Variants in ASPHD1 observed in about 807,000 individuals in gnomAD.
ASPHD1 encodes the protein aspartate beta-hydroxylase domain-containing protein 1.
Under a neutral mutation model 28.3 loss-of-function variants are expected in ASPHD1, and 20 were observed. The observed-to-expected ratio is 0.71, with a 90% CI of 0.50 to 1.03. ASPHD1 has a LOEUF of 1.03. Ranked by LOEUF, ASPHD1 falls within the 50% of genes least tolerant of loss-of-function variation. The pLI, the probability that ASPHD1 is intolerant of heterozygous loss-of-function variation, is 0.00. For missense variants in ASPHD1, 479 were observed against 524.1 expected (o/e 0.91, Z 0.84); for synonymous variants, 240 against 221.2 (o/e 1.08, Z -0.75).
At chr16:29,911,083 G>A (rs1567440796) in intron 3 of ASPHD1, 3 of 1,614,204 alleles carry the variant, frequency 1.9e-6, no homozygotes, top group East Asian at 2.2e-5. Flanking sequence ...CGTCCCCCAG[G>A]ACATCCTTGA....
At chr16:29,909,291 G>C (rs1439046449), downstream of ASPHD1, among the ~76,000 whole-genome samples, 1 of 152,188 alleles carries the variant, frequency 6.6e-6, no homozygotes, top group Non-Finnish European at 1.5e-5. Flanking sequence ...GTGACCCAAA[G>C]AAAGTGATGC....
chr16:29,901,853 T>A lies in ASPHD1; in HGVS notation c.882T>A (p.Val294=). The A allele has an allele frequency of 6.5e-7, 1 of 1,540,266 alleles. No homozygotes were observed. Residue 294 remains valine (V), a synonymous_variant, in exon 1 of 3, where the codon GTT becomes GTA. Coordinates refer to ENST00000308748, the MANE Select transcript of ASPHD1 (RefSeq NM_181718.4). This position sits in a 1 kb window ranked among gnomAD's most constrained non-coding sequence, Gnocchi z 5.1. Reference sequence around the variant, plus strand: ...CCTTCGGCAATGCCGGCTTTTCCGTTCTCCTGCCTGGGGCCCGGCTCGAGG... The same window carrying A: ...CCTTCGGCAATGCCGGCTTTTCCGTACTCCTGCCTGGGGCCCGGCTCGAGG... The part of the protein sequence containing the change: ...ANTFGNAGFS[V]LLPGARLEGR...
At chr16:29,902,674 AT>A (rs138104558) in intron 1 of ASPHD1, among the ~76,000 whole-genome samples, 1 of 150,540 alleles carries the variant, frequency 6.6e-6, no homozygotes, top group Non-Finnish European at 1.5e-5. Flanking sequence ...CACCTGGCTA[AT>A]TTTTTTTTAT....
chr16:29,905,595 T>A (rs1597006682), intron 2 of ASPHD1, among the ~76,000 whole-genome samples, 193 bp from the exon 3 acceptor site: 2 of 123,184 alleles, frequency 1.6e-5, no homozygotes, highest in African/African-American at 6.5e-5. Context: ...GCCACTGCAC[T>A]CCAGCCTGGT....
chr16:29,901,617 A>G lies in ASPHD1; in HGVS notation c.646A>G (p.Ser216Gly). 1.3e-6 allele frequency: 2 copies of G among 1,560,972 alleles called. No homozygotes were observed. The highest frequency in any genetic ancestry group is 1.7e-6 in the Non-Finnish European group (2 of 1,162,246). Residue 216 changes from serine (S) to glycine (G), a missense_variant, in exon 1 of 3, where the codon AGC becomes GGC. Transcript: ENST00000308748. The surrounding 1 kb of genome is among the most constrained non-coding windows in gnomAD (Gnocchi z 5.1). ...QRHDVELLES[S>G]FPAILRDFGA... is the part of the protein sequence containing the mutation. ...GCACGACGTGGAGCTCCTGGAGAGC[A>G]GCTTCCCTGCCATTTTGCGGGACTT...
intron 2 of ASPHD1, among the ~76,000 whole-genome samples, chr16:29,905,365 C>T (rs2150830074): frequency 6.6e-6 from 1 of 152,170 alleles, no homozygotes; most frequent in African/African-American, 2.4e-5. Flanking sequence ...GTGGCTCACG[C>T]CTGTAATCCC....
Position 29,905,770 on chromosome 16 carries a change from C to T in ASPHD1, c.1064-18C>T, listed in dbSNP as rs201085689. The T allele has an allele frequency of 8.1e-6, 13 of 1,599,634 alleles. No individual in the cohort carries two copies. Among genetic ancestry groups the T allele is most frequent in the Non-Finnish European group, 1.1e-5 (13 of 1,167,620 alleles). ...CCTAATGTCAGTGGCTCTGCTGTTC[C>T]TGTCCCATGTGCCCTAGGCTCCCCC... On this transcript the variant is annotated intron_variant, in intron 2 of 2. Transcript: ENST00000308748.
intron 3 of ASPHD1, chr16:29,911,814 C>T (rs1486403395): frequency 9.3e-6 from 15 of 1,612,684 alleles, no homozygotes; most frequent in Non-Finnish European, 1.3e-5. Context: ...CCGGCGGTCA[C>T]CTGGTGTAGG....
downstream of ASPHD1, among the ~76,000 whole-genome samples, chr16:29,907,589 C>T (rs1285348363): frequency 1.3e-5 from 2 of 151,630 alleles, no homozygotes; most frequent in African/African-American, 4.8e-5. Context: ...GAGTTTGAGT[C>T]TAGTCTGGGC....
In ASPHD1 at chr16:29,912,367, C is replaced by T. The variant is rs964198934; in HGVS notation, c.*62+6408C>T. On this transcript the variant is annotated intron_variant and NMD_transcript_variant, in intron 3 of 3. Coordinates refer to the ASPHD1 transcript ENST00000414952. ...CATTCAGATCGCAGGTCACACAGTG[C>T]CTCCTCAGGGCCAGCCCTCCCCAGC... The T allele has an allele frequency of 8.8e-6, 4 of 453,208 alleles. No homozygotes were observed. The South Asian group carries it at 1.1e-4, about 12-fold the overall frequency. 28.1% of individuals were successfully genotyped at this position (453,208 alleles called of 1,614,324 possible).
At chr16:29,916,687 G>T (rs1229729036) in intron 3 of ASPHD1, among the ~76,000 whole-genome samples, 2 of 152,138 alleles carry the variant, frequency 1.3e-5, no homozygotes, top group African/African-American at 4.8e-5. Flanking sequence ...GACAGAGCAA[G>T]ACTCTGTCTC....
chr16:29,901,322 TG>T lies in ASPHD1; in HGVS notation c.354del (p.Pro119LeufsTer27). On this transcript the variant is annotated frameshift_variant, in exon 1 of 3. Transcript: ENST00000308748. LOFTEE classifies it high-confidence loss of function. This position sits in a 1 kb window ranked among gnomAD's most constrained non-coding sequence, Gnocchi z 5.1. ...GGAGCCGAGCTGGGGGTGTTCGTGG[TG>T]GGCCTGTGGGATGCTCGGAGGCCGG... Reference protein sequence around the residue: ...AGSRAGGVRGGPVGCSEAGGP... With the variant: ...AGSRAGGVRGXPVGCSEAGGP... The T allele has an allele frequency of 1.9e-6, 3 of 1,609,440 alleles. No homozygotes were observed. Among genetic ancestry groups the T allele is most frequent in the Non-Finnish European group, 2.5e-6 (3 of 1,178,546 alleles).
downstream of ASPHD1, chr16:29,906,058 T>G (rs2068607503): frequency 1.9e-6 from 1 of 518,884 alleles, no homozygotes; most frequent in Non-Finnish European, 3.4e-6. Context: ...CTCTCCTAAC[T>G]CCCGACTACT....
chr16:29,909,545 A>G (rs1257851632), downstream of ASPHD1, among the ~76,000 whole-genome samples: 2 of 152,156 alleles, frequency 1.3e-5, no homozygotes, highest in Non-Finnish European at 2.9e-5. Context: ...TACAGTACTT[A>G]GCACAGAGCA....
intron 1 of ASPHD1, among the ~76,000 whole-genome samples, chr16:29,902,571 G>C (rs1293566062): frequency 1.3e-5 from 2 of 151,478 alleles, no homozygotes; most frequent in Non-Finnish European, 2.9e-5. Flanking sequence ...GCAGTGGCAC[G>C]ATCTTGGCTC....
In ASPHD1 at chr16:29,901,307, TGGG is replaced by T; in HGVS notation, c.339_341del (p.Gly114del). The T allele has an allele frequency of 6.2e-7, 1 of 1,611,166 alleles. No homozygotes were observed. The highest frequency in any genetic ancestry group is 1.1e-5 in the South Asian group (1 of 90,912). On this transcript the variant is annotated inframe_deletion, in exon 1 of 3. Coordinates refer to ENST00000308748, the MANE Select transcript of ASPHD1 (RefSeq NM_181718.4). The surrounding 1 kb of genome is among the most constrained non-coding windows in gnomAD (Gnocchi z 5.1). ...AGGCCCTAGGGGCTGGGAGCCGAGC[TGGG>T]GGTGTTCGTGGTGGGCCTGTGGGAT... is the stretch of plus-strand genomic sequence containing the variant.
intron 3 of ASPHD1, chr16:29,911,722 G>A (rs1221522147): frequency 9.6e-6 from 13 of 1,352,464 alleles, no homozygotes; most frequent in Admixed American, 9.4e-5. Flanking sequence ...GTTCTTGTAG[G>A]CCCCCCGTGT....
rs2068546785 is a variant in ASPHD1, at chr16:29,901,481, G to GGAT, written c.511_512insATG (p.Gln170_Gly171insAsp). ...TGGGTAGAGTGAGGCGGGCAGCTCA[G>GGAT]GGTGGCCCAGGCCCTGGGAGAGGGC... On this transcript the variant is annotated inframe_insertion, in exon 1 of 3. Coordinates refer to ENST00000308748, the MANE Select transcript of ASPHD1 (RefSeq NM_181718.4). This position sits in a 1 kb window ranked among gnomAD's most constrained non-coding sequence, Gnocchi z 5.1. 2 of 1,602,976 alleles carry GGAT rather than the reference G, an allele frequency of 1.2e-6. No individual in the cohort carries two copies. The highest frequency in any genetic ancestry group is 1.7e-6 in the Non-Finnish European group (2 of 1,177,560).
rs749333781 is a variant in ASPHD1, at chr16:29,901,227, G to T, written c.256G>T (p.Ala86Ser). The change falls in exon 1 of 3, where the codon GCC (alanine) becomes TCC (serine). Residue 86 changes from alanine (A) to serine (S), a missense_variant. Transcript: ENST00000308748. The surrounding 1 kb of genome is among the most constrained non-coding windows in gnomAD (Gnocchi z 5.1). ...CTCGGCCCTCACCTTGCTCTTCGGG[G>T]CCCTCACTTCCCTGTTCCTCTGGTA... ...ASSALTLLFG[A>S]LTSLFLWYCY... The T allele has an allele frequency of 1.2e-6, 2 of 1,613,766 alleles. No homozygotes were observed. Among genetic ancestry groups the T allele is most frequent in the Non-Finnish European group, 1.7e-6 (2 of 1,179,946 alleles).
Sources: gnomAD v4.1 joint callset for allele counts (sites outside exome capture counted in the v4.1 genomes callset) on GRCh38, gnomAD v4.1.1 for gene constraint, Gnocchi (gnomAD v3.1) non-coding constraint, MANE v1.5 for transcripts, NCBI Gene and HGNC (gene_info 2026-07-23, HGNC 2026-07-21) for gene names.